The following MDFI variants were observed in gnomAD, a reference collection of about 807,000 sequenced individuals.
MDFI encodes inhibitor of MyoD family a.
In MDFI, 16 loss-of-function variants were observed where a neutral mutation model predicts 22.3. That is an observed-to-expected ratio of 0.72 (90% CI 0.49 to 1.09). The LOEUF (loss-of-function observed/expected upper bound fraction) is 1.09. Among genes scored for constraint, MDFI ranks in the 50% least tolerant of loss-of-function variants. The probability of loss-of-function intolerance (pLI) is 0.00; values close to 1 mark genes in which losing one functional copy is unlikely to be tolerated. For synonymous variants in MDFI, 145 were observed against 142.7 expected, an observed-to-expected ratio of 1.02 and a Z score of -0.12; for missense variants, 314 against 326.1, an observed-to-expected ratio of 0.96 and a Z score of 0.29.
intron 2 of MDFI, among the ~76,000 whole-genome samples, chr6:41,645,284 CT>C: frequency 6.6e-6 from 1 of 152,216 alleles, no homozygotes; most frequent in South Asian, 2.1e-4. Flanking sequence ...TCCCCCATCC[CT>C]TTTCCCCCTG....
At position 41,639,380 on chromosome 6, in the gene MDFI, C is replaced by T. The variant is rs1348179893; in HGVS notation, c.76+555C>T. 3.0e-6 allele frequency: 3 copies of T among 985,310 alleles called. No individual in the cohort carries two copies. The African/African-American group carries it at 5.2e-5, about 17-fold the overall frequency. The allele number at this position is 985,310 out of a possible 1,614,324, so 61.0% of individuals were successfully genotyped here. ...GCCGGCCAGTCCCCGCCGCCCCTGC[C>T]CTGTGCACACACACGCACCCCAACC... On this transcript the variant is annotated intron_variant, in intron 2 of 4. Coordinates refer to ENST00000230321, the MANE Select transcript of MDFI (RefSeq NM_005586.4).
intron 4 of MDFI, among the ~76,000 whole-genome samples, chr6:41,650,807 CAGGT>C (rs1768242057): frequency 6.6e-6 from 1 of 151,956 alleles, no homozygotes; most frequent in South Asian, 2.1e-4. Context: ...CTCCTGACCT[CAGGT>C]GATCCACCCG....
intron 3 of MDFI, 30 bp from the exon 4 acceptor site, chr6:41,649,589 T>A (rs1449653539): frequency 6.5e-7 from 1 of 1,532,710 alleles, no homozygotes; most frequent in Non-Finnish European, 8.8e-7. Context: ...CCCACCCTTT[T>A]CCCATCACAC....
Position 41,638,616 on chromosome 6 carries a change from G to A in MDFI, c.-48G>A. Reference sequence around the variant, plus strand: ...GCGCGCATGGCGGGCCCCGCGCGGGGATCCGGCTGGAAGAGAGCGTAGCAC... The same window carrying A: ...GCGCGCATGGCGGGCCCCGCGCGGGAATCCGGCTGGAAGAGAGCGTAGCAC... On this transcript the variant is annotated 5_prime_UTR_variant, in exon 1 of 5. Transcript: ENST00000230321. The surrounding 1 kb of genome is among the most constrained non-coding windows in gnomAD (Gnocchi z 7.6). The A allele has an allele frequency of 9.3e-7, 1 of 1,079,718 alleles. No homozygotes were observed. The allele number at this position is 1,079,718 out of a possible 1,614,324, so 66.9% of individuals were successfully genotyped here. A position where few individuals can be genotyped will look rare whatever the true frequency, so the allele number is the denominator to read the frequency against.
chr6:41,649,974 C>T (rs962961941), intron 4 of MDFI, 131 bp downstream of exon 4: 19 of 771,456 alleles, frequency 2.5e-5, no homozygotes, highest in South Asian at 5.5e-5. Context: ...CCTCCTTCCA[C>T]GCCTACTGGA....
chr6:41,650,573 CTTT>C (rs34897556), intron 4 of MDFI, among the ~76,000 whole-genome samples: 6 of 129,652 alleles, frequency 4.6e-5, no homozygotes, highest in Non-Finnish European at 3.2e-5. Context: ...AGTCTTTTTC[CTTT>C]TTTTTTTTTT....
chr6:41,643,548 GGGAA>G (rs768210940), intron 2 of MDFI, among the ~76,000 whole-genome samples: 1,676 of 75,354 alleles, frequency 0.022, 38 homozygotes, highest in African/African-American at 0.057. Context: ...GAGGGAAGGA[GGGAA>G]GGAAGGAAGG....
At position 41,646,288 on chromosome 6, in the gene MDFI, TC is replaced by T. The variant is rs750706797; in HGVS notation, c.243del (p.Thr82GlnfsTer4). 2 of 1,455,850 alleles carry T rather than the reference TC, an allele frequency of 1.4e-6. No homozygotes were observed. The highest frequency in any genetic ancestry group is 9.1e-7 in the Non-Finnish European group (1 of 1,101,846). The allele number at this position is 1,455,850 out of a possible 1,614,324, so 90.2% of individuals were successfully genotyped here. A position where few individuals can be genotyped will look rare whatever the true frequency, so the allele number is the denominator to read the frequency against. ...PQGLDSTDLD[V>X]PTEAVTCQPQ... ...GGCCTGGACAGCACTGACCTCGACGTCCCCACAGAAGCTGTGACATGTGAGT... is the reference window on the plus strand; with the variant it reads ...GGCCTGGACAGCACTGACCTCGACGTCCCACAGAAGCTGTGACATGTGAGT... On this transcript the variant is annotated frameshift_variant, in exon 3 of 5. Coordinates refer to ENST00000230321, the MANE Select transcript of MDFI (RefSeq NM_005586.4). LOFTEE classifies it high-confidence loss of function.
At chr6:41,649,945 T>G in intron 4 of MDFI, 102 bp downstream of exon 4, 1 of 996,692 alleles carries the variant, frequency 1.0e-6, no homozygotes, top group Non-Finnish European at 1.5e-6. Context: ...GGCTGTTACT[T>G]AGAGATGCAG....
chr6:41,638,650 C>A lies in MDFI; in HGVS notation c.-14C>A. The A allele has an allele frequency of 7.5e-7, 1 of 1,329,770 alleles. No individual in the cohort carries two copies. Among genetic ancestry groups the A allele is most frequent in the South Asian group, 1.3e-5 (1 of 76,346 alleles). The allele number at this position is 1,329,770 out of a possible 1,614,324, so 82.4% of individuals were successfully genotyped here. A position where few individuals can be genotyped will look rare whatever the true frequency, so the allele number is the denominator to read the frequency against. ...GGAAGAGAGCGTAGCACGGCTCGCA[C>A]GAGTGAGTGGACGTGGGAGGCGCGC... On this transcript the variant is annotated splice_region_variant and 5_prime_UTR_variant, in exon 1 of 5. Coordinates refer to ENST00000230321, the MANE Select transcript of MDFI (RefSeq NM_005586.4). The surrounding 1 kb of genome is among the most constrained non-coding windows in gnomAD (Gnocchi z 7.6).
In MDFI at chr6:41,653,907, A is replaced by C; in HGVS notation, c.*332A>C. On this transcript the variant is annotated 3_prime_UTR_variant, in exon 5 of 5. Transcript: ENST00000230321. This position sits in a 1 kb window ranked among gnomAD's most constrained non-coding sequence, Gnocchi z 4.2. ...CGCAGGGGGCAGCCAGGGCTGGGGA[A>C]CACTGTGAAAGTTACTTGGGGAGGG... 1 of 380,866 alleles carries C rather than the reference A, an allele frequency of 2.6e-6. No individual in the cohort carries two copies. The highest frequency in any genetic ancestry group is 4.8e-6 in the Non-Finnish European group (1 of 206,288). The allele number at this position is 380,866 out of a possible 1,614,324, so 23.6% of individuals were successfully genotyped here.
intron 2 of MDFI, among the ~76,000 whole-genome samples, chr6:41,645,770 C>T (rs1768025912): frequency 6.6e-6 from 1 of 152,130 alleles, no homozygotes; most frequent in Non-Finnish European, 1.5e-5. Context: ...CTGTCACTCT[C>T]GATGCCTGTC....
chr6:41,642,894 G>A (rs575324667), intron 2 of MDFI, among the ~76,000 whole-genome samples: 9 of 152,302 alleles, frequency 5.9e-5, no homozygotes, highest in African/African-American at 9.6e-5. Flanking sequence ...GCTGCCCAGA[G>A]AGCAGAGACA....
intron 2 of MDFI, among the ~76,000 whole-genome samples, chr6:41,645,810 G>A (rs956283987): frequency 1.2e-5 from 1 of 83,872 alleles, no homozygotes; most frequent in Non-Finnish European, 2.6e-5. Flanking sequence ...CCGTCCGTCT[G>A]TTCTCCCGTG....
chr6:41,649,702 C>T lies in MDFI; in HGVS notation c.343C>T (p.Arg115Trp), dbSNP rs770572756. 1.1e-5 allele frequency: 17 copies of T among 1,613,864 alleles called. No homozygotes were observed. The highest frequency in any genetic ancestry group is 4.5e-5 in the East Asian group (2 of 44,892). ...GHPSELGGTR[R>W]AGNGALGGPK... ...CCCCTCAGAGCTGGGCGGCACCAGACGGGCGGGGAATGGTGCCCTGGGTGG... is the reference window on the plus strand; with the variant it reads ...CCCCTCAGAGCTGGGCGGCACCAGATGGGCGGGGAATGGTGCCCTGGGTGG... Residue 115 changes from arginine to tryptophan, a missense_variant, in exon 4 of 5, where the codon CGG becomes TGG. Transcript: ENST00000230321.
At chr6:41,645,404 G>A (rs972108018) in intron 2 of MDFI, among the ~76,000 whole-genome samples, 15 of 151,960 alleles carry the variant, frequency 9.9e-5, no homozygotes, top group Non-Finnish European at 1.8e-4. Context: ...ATGTGGCTGC[G>A]GTTCACCTCT....
Sources: allele counts gnomAD v4.1 joint callset (sites outside exome capture counted in the v4.1 genomes callset), GRCh38; gene constraint gnomAD v4.1.1; non-coding constraint Gnocchi (gnomAD v3.1); transcripts MANE v1.5; gene names NCBI Gene and HGNC (gene_info 2026-07-23, HGNC 2026-07-21).